Variants in SLC67A1 observed in about 807,000 individuals in gnomAD.
SLC67A1 encodes the protein solute carrier family 67 member A1.
At chr11:2,919,510 T>A in the SLC67A1 span, 2 of 824,558 alleles carry the variant, frequency 2.4e-6, no homozygotes, top group Non-Finnish European at 4.0e-6. Context: ...GGGGAGCCCT[T>A]GGCCTCCCAT....
the SLC67A1 span, chr11:2,917,045 A>ACAGGGAAGGCGTTAG: frequency 2.6e-6 from 1 of 389,332 alleles, no homozygotes; most frequent in South Asian, 3.9e-5. Context: ...GGAGGCCCAG[A>ACAGGGAAGGCGTTAG]GAGGCCTGGG....
the SLC67A1 span, among the ~76,000 whole-genome samples, chr11:2,913,527 G>A: frequency 6.6e-6 from 1 of 152,204 alleles, no homozygotes; most frequent in Non-Finnish European, 1.5e-5. Context: ...AGGACCTTCT[G>A]GGGCACGCTG....
At chr11:2,922,395 G>A in the SLC67A1 span, 1,941 of 1,599,142 alleles carry the variant, frequency 1.2e-3, 40 homozygotes, top group South Asian at 0.021. Context: ...GCCTGGTCCC[G>A]TGAGGCCCCC....
At chr11:2,909,290 G>T in the SLC67A1 span, 1 of 1,534,364 alleles carries the variant, frequency 6.5e-7, no homozygotes, top group South Asian at 1.2e-5. Context: ...CTCCAGCCCG[G>T]CCCTGCCCGG....
chr11:2,922,155 G>C, the SLC67A1 span: 1 of 1,613,694 alleles, frequency 6.2e-7, no homozygotes, highest in Non-Finnish European at 8.5e-7. Context: ...CGGAGGAGGT[G>C]CTGCTCCGGG....
the SLC67A1 span, chr11:2,916,774 T>G: frequency 6.3e-7 from 1 of 1,581,148 alleles, no homozygotes; most frequent in South Asian, 1.1e-5. Flanking sequence ...GCCCAGATGC[T>G]GGGGCAATGG....
chr11:2,907,477 C>A, the SLC67A1 span, among the ~76,000 whole-genome samples: 1 of 152,158 alleles, frequency 6.6e-6, no homozygotes, highest in African/African-American at 2.4e-5. This position sits in a 1 kb window ranked among gnomAD's most constrained non-coding sequence, Gnocchi z 6.7. Context: ...GTGTCTGTGT[C>A]CCAAATTCTC....
the SLC67A1 span, among the ~76,000 whole-genome samples, chr11:2,917,473 C>G: frequency 6.6e-6 from 1 of 152,144 alleles, no homozygotes; most frequent in Non-Finnish European, 1.5e-5. Context: ...GGAGGAAGGA[C>G]TCGGTGAGCC....
At chr11:2,916,450 AT>A in the SLC67A1 span, 5 of 589,812 alleles carry the variant, frequency 8.5e-6, no homozygotes, top group South Asian at 4.5e-5. Flanking sequence ...CCATCACCTA[AT>A]AAATGTGCTC....
At chr11:2,918,988 C>T in the SLC67A1 span, 2 of 322,812 alleles carry the variant, frequency 6.2e-6, no homozygotes, top group Non-Finnish European at 1.2e-5. Flanking sequence ...ACTTTGAGGG[C>T]TCTTATAACA....
chr11:2,919,647 G>A, the SLC67A1 span: 1 of 549,344 alleles, frequency 1.8e-6, no homozygotes, highest in East Asian at 3.0e-5. Flanking sequence ...TGGGATCTGT[G>A]GCAGCCCACC....
At chr11:2,924,099 G>A in the SLC67A1 span, among the ~76,000 whole-genome samples, 14 of 152,200 alleles carry the variant, frequency 9.2e-5, no homozygotes, top group East Asian at 1.9e-4. The surrounding 1 kb of genome is among the most constrained non-coding windows in gnomAD (Gnocchi z 8.6). Context: ...CCTCCCGCTT[G>A]GCGAGTGCTG....
the SLC67A1 span, chr11:2,919,548 C>CCAGG: frequency 4.6e-6 from 3 of 651,476 alleles, no homozygotes; most frequent in Admixed American, 5.3e-5. Context: ...CCACAGGGAA[C>CCAGG]CAGGCATACA....
At chr11:2,925,047 G>A in the SLC67A1 span, 11 of 1,613,354 alleles carry the variant, frequency 6.8e-6, no homozygotes, top group East Asian at 8.9e-5. This position sits in a 1 kb window ranked among gnomAD's most constrained non-coding sequence, Gnocchi z 6.5. Flanking sequence ...TACAACCACT[G>A]CTCCGAACTC....
At chr11:2,908,137 T>C in the SLC67A1 span, 3 of 785,896 alleles carry the variant, frequency 3.8e-6, no homozygotes, top group Non-Finnish European at 4.4e-6. Flanking sequence ...ACCCAGGCCC[T>C]CGGTCCCCTC....
chr11:2,901,343 C>T, the SLC67A1 span, among the ~76,000 whole-genome samples: 3 of 152,366 alleles, frequency 2.0e-5, no homozygotes, highest in Admixed American at 6.5e-5. Context: ...GGCCGGCTCT[C>T]GCTCGCCTCT....
At chr11:2,915,309 G>A in the SLC67A1 span, 1 of 885,930 alleles carries the variant, frequency 1.1e-6, no homozygotes, top group Non-Finnish European at 1.4e-6. Context: ...GCATGTGGCT[G>A]CGGTGAAGAG....
chr11:2,909,117 C>A, the SLC67A1 span: 1 of 1,345,156 alleles, frequency 7.4e-7, no homozygotes, highest in Non-Finnish European at 9.8e-7. Context: ...CTGGTCAGCC[C>A]CGCCTGGGCA....
the SLC67A1 span, chr11:2,908,326 G>C: frequency 1.2e-6 from 2 of 1,611,598 alleles, no homozygotes; most frequent in Non-Finnish European, 1.7e-6. Flanking sequence ...GCCGGTATTT[G>C]GCAGGTACAG....
Sources: allele counts gnomAD v4.1 joint callset (sites outside exome capture counted in the v4.1 genomes callset), GRCh38; gene constraint gnomAD v4.1.1; non-coding constraint Gnocchi (gnomAD v3.1); transcripts MANE v1.5; gene names NCBI Gene and HGNC (gene_info 2026-07-23, HGNC 2026-07-21).